Variants in MED24 observed in about 807,000 individuals in gnomAD.
MED24 encodes the protein mediator complex subunit 24.
A neutral mutation model predicts 118.8 loss-of-function variants in MED24; 74 were observed. The observed-to-expected ratio is 0.62, with a 90% CI of 0.52 to 0.76. The LOEUF is 0.76. Among genes scored for constraint, MED24 ranks in the 30% least tolerant of loss-of-function variants. The probability of loss-of-function intolerance (pLI) is 0.00; values close to 1 mark genes in which losing one functional copy is unlikely to be tolerated. For missense variants in MED24, 1,041 were observed against 1,278.9 expected, an observed-to-expected ratio of 0.81 and a Z score of 2.84; for synonymous variants, 521 against 523.9, an observed-to-expected ratio of 0.99 and a Z score of 0.08.
chr17:40,027,814 C>G, intron 15 of MED24, 95 bp downstream of exon 15: 1 of 1,342,856 alleles, frequency 7.4e-7, no homozygotes, highest in Non-Finnish European at 1.1e-6. Flanking sequence ...ACAGCCTCCC[C>G]CTGTTGAGCT....
intron 19 of MED24, among the ~76,000 whole-genome samples, chr17:40,025,450 TCAACAA>T (rs959809180): frequency 6.6e-6 from 1 of 152,192 alleles, no homozygotes; most frequent in South Asian, 2.1e-4. Flanking sequence ...AGACCTTGTC[TCAACAA>T]CAACAACAAC....
At chr17:40,026,005 G>C (rs572295940) in intron 19 of MED24, 151 bp downstream of exon 19, 1 of 768,720 alleles carries the variant, frequency 1.3e-6, no homozygotes, top group Non-Finnish European at 2.1e-6. Flanking sequence ...TGTTTGCTGA[G>C]TCAGATGAGT....
chr17:40,031,162 T>G lies in MED24; in HGVS notation c.1151A>C (p.Lys384Thr). The change falls in exon 12 of 26, where the codon AAG becomes ACG. Residue 384 changes from lysine (K) to threonine (T), a missense_variant. Lys to Thr is a moderately conservative substitution (Grantham distance 78). This residue lies in a region of MED24 where 434 missense variants were observed against 514.9 expected (regional missense o/e 0.84). Transcript: ENST00000394128. ...SEASVNNLMA[K>T]RKADREHAPQ... is the part of the protein sequence containing the mutation. ...GCACAGGTGCGTTCACACTTACCGC[T>G]TAGCCATAAGGTTGTTGACGCTGGC... 2 of 1,563,752 alleles carry G rather than the reference T, an allele frequency of 1.3e-6. No homozygotes were observed.
chr17:40,020,092 AG>A (rs1981774451), intron 24 of MED24, 159 bp from the exon 25 acceptor site: 2 of 990,378 alleles, frequency 2.0e-6, no homozygotes, highest in Admixed American at 4.2e-5. Flanking sequence ...GCAATTGGGG[AG>A]GGGAGGAGGG....
intron 3 of MED24, among the ~76,000 whole-genome samples, chr17:40,043,663 C>T (rs552913101): frequency 9.9e-5 from 15 of 151,262 alleles, no homozygotes; most frequent in Middle Eastern, 3.5e-3. Flanking sequence ...CCGAGGCGGG[C>T]GGATCACGAG....
intron 3 of MED24, among the ~76,000 whole-genome samples, chr17:40,049,498 C>G (rs9897278): frequency 0.021 from 3,169 of 152,194 alleles, 131 homozygotes; most frequent in African/African-American, 0.073. Context: ...AATGGTTCAC[C>G]TTACAATTTT....
At position 40,050,224 on chromosome 17, in the gene MED24, G is replaced by A. The variant is rs569012483; in HGVS notation, c.213+3074C>T. ...TGGCTCATTGGAGGCCGAGGTGAGC[G>A]GATCACCTGAGGTCAGGAGTTCGAG... On this transcript the variant is annotated intron_variant, in intron 3 of 25. Coordinates refer to ENST00000394128, the MANE Select transcript of MED24 (RefSeq NM_014815.4). Among the ~76,000 whole-genome samples the A allele has an allele frequency of 1.5e-3, 226 of 150,288 alleles. 1 individual carries two copies. The highest frequency in any genetic ancestry group is 5.0e-3 in the African/African-American group (206 of 40,842).
Position 40,033,621 on chromosome 17 carries a change from T to A in MED24, c.560-165A>T, listed in dbSNP as rs1432258624. On this transcript the variant is annotated intron_variant, in intron 6 of 25. Transcript: ENST00000394128. The surrounding 1 kb of genome is among the most constrained non-coding windows in gnomAD (Gnocchi z 5.2). Reference sequence around the variant, plus strand: ...AGGGGCCTGAGGGCAGCATGCACTGTTTCCAGAAGGGGGGTGGGCACCTAG... The same window carrying A: ...AGGGGCCTGAGGGCAGCATGCACTGATTCCAGAAGGGGGGTGGGCACCTAG... 3 of 709,890 alleles carry A rather than the reference T, an allele frequency of 4.2e-6. No individual in the cohort carries two copies. Among genetic ancestry groups the A allele is most frequent in the African/African-American group, 1.7e-5 (1 of 57,270 alleles). The allele number at this position is 709,890 out of a possible 1,614,324, so 44.0% of individuals were successfully genotyped here.
At position 40,047,692 on chromosome 17, in the gene MED24, A is replaced by C. The variant is rs192692325; in HGVS notation, c.213+5606T>G. On this transcript the variant is annotated intron_variant, in intron 3 of 25. Transcript: ENST00000394128. ...AAAAAACAAAAAAACAAAAAACAAA[A>C]AACAACAACAAAAAAAAAACCCTGA... 6.2e-4 allele frequency among the ~76,000 whole-genome samples: 92 copies of C among 147,820 alleles called. 1 individual carries two copies. The highest frequency in any genetic ancestry group is 3.4e-3 in the Middle Eastern group (1 of 294).
intron 23 of MED24, 44 bp from the exon 24 acceptor site, chr17:40,020,397 G>C: frequency 1.3e-6 from 2 of 1,561,734 alleles, no homozygotes; most frequent in South Asian, 2.4e-5. Flanking sequence ...AGCCTGCCGA[G>C]TGCAAAAGTG....
chr17:40,049,887 A>C (rs901183076), intron 3 of MED24, among the ~76,000 whole-genome samples: 1 of 150,762 alleles, frequency 6.6e-6, no homozygotes, highest in Non-Finnish European at 1.5e-5. Context: ...TGGTGGCTCA[A>C]GCCTGTAATC....
Position 40,033,579 on chromosome 17 carries a change from G to T in MED24, c.560-123C>A. 1 of 793,350 alleles carries T rather than the reference G, an allele frequency of 1.3e-6. No homozygotes were observed. The highest frequency in any genetic ancestry group is 2.1e-6 in the Non-Finnish European group (1 of 467,730). 49.1% of individuals were successfully genotyped at this position (793,350 alleles called of 1,614,324 possible). A position where few individuals can be genotyped will look rare whatever the true frequency, so the allele number is the denominator to read the frequency against. ...GAAACCACACAGGAAGGCTTCCCCT[G>T]AGGACAACAGGGAGGGAGGGGCCTG... On this transcript the variant is annotated intron_variant, in intron 6 of 25. Transcript: ENST00000394128. This position sits in a 1 kb window ranked among gnomAD's most constrained non-coding sequence, Gnocchi z 5.2.
intron 3 of MED24, among the ~76,000 whole-genome samples, chr17:40,049,663 A>G (rs1228275223): frequency 6.6e-6 from 1 of 151,884 alleles, no homozygotes; most frequent in East Asian, 2.0e-4. Context: ...AGTAGCTGGG[A>G]TTACAGGCAC....
At position 40,040,291 on chromosome 17, in the gene MED24, C is replaced by G. The variant is rs1172172921; in HGVS notation, c.214-4137G>C. On this transcript the variant is annotated intron_variant, in intron 3 of 25. Coordinates refer to ENST00000394128, the MANE Select transcript of MED24 (RefSeq NM_014815.4). ...ATGGAGTTTCACTCTGTTGGCCAGG[C>G]TGGTCTCGAACTCCTGACCTCATGA... Among the ~76,000 whole-genome samples, 3 of 151,124 alleles carry G rather than the reference C, an allele frequency of 2.0e-5. No individual in the cohort carries two copies. In the East Asian group the frequency reaches 5.9e-4, roughly 30 times the overall value.
chr17:40,030,354 G>A (rs1278261718), intron 12 of MED24, among the ~76,000 whole-genome samples: 1 of 151,792 alleles, frequency 6.6e-6, no homozygotes, highest in Non-Finnish European at 1.5e-5. Flanking sequence ...GGAATGCAGT[G>A]GCGCGATCTC....
rs776426730 is a variant in MED24 at position 40,019,536 on chromosome 17, G to A, written c.2963C>T (p.Ala988Val). 7 of 1,611,874 alleles carry A rather than the reference G, an allele frequency of 4.3e-6. No individual in the cohort carries two copies. In the East Asian group the frequency reaches 1.1e-4, roughly 26 times the overall value. ...GRQVAAKAIAAL is the reference protein window; with the variant it reads ...GRQVAAKAIAVL ...GCGGCCATGCCAAGCCCCTCAGAGT[G>A]CAGCAATGGCTTTAGCAGCCACCTG... The change falls in exon 26 of 26, where the codon GCA becomes GTA. Residue 988 changes from alanine to valine, a missense_variant. Coordinates refer to ENST00000394128, the MANE Select transcript of MED24 (RefSeq NM_014815.4).
In MED24 at chr17:40,052,174, T is replaced by C. The variant is rs1009777072; in HGVS notation, c.213+1124A>G. On this transcript the variant is annotated intron_variant, in intron 3 of 25. Transcript: ENST00000394128. ...CAGGCGTGATGGCAGGCACCTGTAG[T>C]CCCAGCTACTCGGGAGGCTGAGGTA... Among the ~76,000 whole-genome samples, 5 of 151,858 alleles carry C rather than the reference T, an allele frequency of 3.3e-5. No individual in the cohort carries two copies. The South Asian group carries it at 8.3e-4, about 25-fold the overall frequency.
At chr17:40,037,728 GGT>G (rs1984108967) in intron 3 of MED24, among the ~76,000 whole-genome samples, 1 of 152,020 alleles carries the variant, frequency 6.6e-6, no homozygotes, top group African/African-American at 2.4e-5. Flanking sequence ...TGGCTGACAC[GGT>G]GAAACCCCGT....
intron 3 of MED24, among the ~76,000 whole-genome samples, chr17:40,053,059 C>T (rs1237676054): frequency 6.6e-6 from 1 of 152,090 alleles, no homozygotes; most frequent in Non-Finnish European, 1.5e-5. Context: ...CTCAGCCTTC[C>T]AAGTAGCTGG....
Sources: gnomAD v4.1 joint callset for allele counts (sites outside exome capture counted in the v4.1 genomes callset) on GRCh38, gnomAD v4.1.1 for gene constraint, gnomAD v4.1.1 regional missense constraint, Gnocchi (gnomAD v3.1) non-coding constraint, MANE v1.5 for transcripts, NCBI Gene and HGNC (gene_info 2026-07-23, HGNC 2026-07-21) for gene names.